Variants in NCKAP5 observed in about 807,000 individuals in gnomAD.
NCKAP5 encodes NCK associated protein 5, also known as nck-associated protein 5.
In NCKAP5, 92 loss-of-function variants were observed where a neutral mutation model predicts 167.0. That is an observed-to-expected ratio of 0.55 (90% CI 0.47 to 0.66). The LOEUF (loss-of-function observed/expected upper bound fraction) is 0.66. Among genes scored for constraint, NCKAP5 ranks in the 30% least tolerant of loss-of-function variants. The pLI is 0.00. For missense variants in NCKAP5, 2,378 were observed against 2,315.0 expected, an observed-to-expected ratio of 1.03 and a Z score of -0.56; for synonymous variants, 891 against 877.4, an observed-to-expected ratio of 1.02 and a Z score of -0.27.
At chr2:133,578,917 C>A in the NCKAP5 span, among the ~76,000 whole-genome samples, 1 of 152,124 alleles carries the variant, frequency 6.6e-6, no homozygotes, top group East Asian at 1.9e-4. Context: ...ATCTGGAGAG[C>A]CACACAATGA....
At chr2:133,044,190 AT>A (rs2079309850) in intron 6 of NCKAP5, among the ~76,000 whole-genome samples, 1 of 152,210 alleles carries the variant, frequency 6.6e-6, no homozygotes, top group African/African-American at 2.4e-5. Context: ...GGTTGTAAAT[AT>A]TCCTTAAGCA....
intron 11 of NCKAP5, among the ~76,000 whole-genome samples, chr2:132,807,488 A>T (rs923248786): frequency 6.6e-6 from 1 of 152,046 alleles, no homozygotes; most frequent in African/African-American, 2.4e-5. Context: ...TTGGTTAGGT[A>T]TATTCCTAAG....
At chr2:133,541,233 T>C (rs1017891298) in intron 2 of NCKAP5, among the ~76,000 whole-genome samples, 8 of 151,590 alleles carry the variant, frequency 5.3e-5, no homozygotes, top group African/African-American at 1.7e-4. Flanking sequence ...AATTTTTGTC[T>C]CATTGTCTTT....
chr2:132,986,198 A>G (rs4954013), intron 7 of NCKAP5, among the ~76,000 whole-genome samples: 87,320 of 152,046 alleles, frequency 0.57, 25,539 homozygotes, highest in African/African-American at 0.69. Context: ...TGTTGTGTGT[A>G]TAAAAATCAG....
intron 5 of NCKAP5, among the ~76,000 whole-genome samples, chr2:133,140,955 T>C (rs895920062): frequency 2.6e-5 from 4 of 152,032 alleles, no homozygotes; most frequent in Admixed American, 6.6e-5. Context: ...CAAAACCCCA[T>C]AGAATATTAG....
chr2:132,806,731 T>C (rs967092954), intron 11 of NCKAP5, among the ~76,000 whole-genome samples: 3 of 152,240 alleles, frequency 2.0e-5, no homozygotes, highest in African/African-American at 7.2e-5. Context: ...GTCTGTTTAC[T>C]GTGCTGACTG....
chr2:133,140,370 C>G (rs1258380353), intron 5 of NCKAP5, among the ~76,000 whole-genome samples: 1 of 152,152 alleles, frequency 6.6e-6, no homozygotes, highest in African/African-American at 2.4e-5. Context: ...CATTTTACCC[C>G]CAACTCTGTT....
At chr2:133,216,960 A>T (rs911908930) in intron 4 of NCKAP5, among the ~76,000 whole-genome samples, 1 of 152,126 alleles carries the variant, frequency 6.6e-6, no homozygotes, top group African/African-American at 2.4e-5. Flanking sequence ...TTTAAAAACC[A>T]ACTGGCTCAT....
At chr2:132,980,358 C>A (rs1229341989) in intron 7 of NCKAP5, among the ~76,000 whole-genome samples, 1 of 152,032 alleles carries the variant, frequency 6.6e-6, no homozygotes, top group Non-Finnish European at 1.5e-5. Flanking sequence ...ATCCTCATGC[C>A]CAGGCCACAC....
At chr2:132,809,186 T>C (rs1685666701) in intron 11 of NCKAP5, among the ~76,000 whole-genome samples, 1 of 152,176 alleles carries the variant, frequency 6.6e-6, no homozygotes, top group South Asian at 2.1e-4. Flanking sequence ...TTATGGCCTA[T>C]CATATGGTCT....
At chr2:133,322,506 T>G (rs971993481) in intron 3 of NCKAP5, among the ~76,000 whole-genome samples, 6 of 152,246 alleles carry the variant, frequency 3.9e-5, no homozygotes, top group African/African-American at 1.2e-4. Flanking sequence ...ACAGTGTGTC[T>G]GTCTCTGTAT....
chr2:133,018,351 T>TAA lies in NCKAP5; in HGVS notation c.342-24113_342-24112insTT, dbSNP rs2078416497. Reference sequence around the variant, plus strand: ...ATGACCCACCAGAATACTGACATACTGTCTACTAAGGAGTTACCCTCCCCA... The same window carrying TAA: ...ATGACCCACCAGAATACTGACATACTAAGTCTACTAAGGAGTTACCCTCCCCA... On this transcript the variant is annotated intron_variant, in intron 6 of 19. Coordinates refer to ENST00000409261, the MANE Select transcript of NCKAP5 (RefSeq NM_207363.3). 3.3e-5 allele frequency among the ~76,000 whole-genome samples: 5 copies of TAA among 152,350 alleles called. No individual in the cohort carries two copies. In the South Asian group the frequency reaches 1.0e-3, roughly 32 times the overall value.
rs911374942 is a variant in NCKAP5, at chr2:133,031,147, G to T, written c.342-36908C>A. On this transcript the variant is annotated intron_variant, in intron 6 of 19. Transcript: ENST00000409261. ...CCTTCATAAGTACCAAAAATCAGGG[G>T]AGTATTCACAGTACCTGATTGTAAC... Among the ~76,000 whole-genome samples the T allele has an allele frequency of 2.6e-5, 4 of 152,192 alleles. No homozygotes were observed. In the East Asian group the frequency reaches 7.7e-4, roughly 29 times the overall value.
chr2:132,759,738 T>G (rs1311640744), intron 16 of NCKAP5, among the ~76,000 whole-genome samples: 1 of 152,142 alleles, frequency 6.6e-6, no homozygotes. Context: ...ATTTATTATA[T>G]CTAAACAGCT....
chr2:133,663,532 T>C, the NCKAP5 span, among the ~76,000 whole-genome samples: 2 of 152,216 alleles, frequency 1.3e-5, no homozygotes, highest in African/African-American at 4.8e-5. Flanking sequence ...TGCTGCTACT[T>C]TATCAACTAA....
intron 6 of NCKAP5, among the ~76,000 whole-genome samples, chr2:133,014,355 C>T (rs937067795): frequency 6.6e-6 from 1 of 152,226 alleles, no homozygotes; most frequent in African/African-American, 2.4e-5. Flanking sequence ...ATGTGACTCC[C>T]ATCCACCACC....
At chr2:132,823,816 C>T (rs1373932028) in intron 11 of NCKAP5, among the ~76,000 whole-genome samples, 1 of 152,024 alleles carries the variant, frequency 6.6e-6, no homozygotes, top group Non-Finnish European at 1.5e-5. Context: ...AAGAGACTCA[C>T]CTAACACATA....
At chr2:132,894,441 CT>C (rs1055208050) in intron 8 of NCKAP5, among the ~76,000 whole-genome samples, 1 of 152,086 alleles carries the variant, frequency 6.6e-6, no homozygotes, top group Non-Finnish European at 1.5e-5. Flanking sequence ...CATGTAATGA[CT>C]TTTTTTTCTT....
chr2:132,920,771 G>A lies in NCKAP5; in HGVS notation c.580-41855C>T, dbSNP rs375677098. 5.5e-3 allele frequency among the ~76,000 whole-genome samples: 175 copies of A among 31,532 alleles called. 11 individuals are homozygous for A. The highest frequency in any genetic ancestry group is 0.012 in the African/African-American group (104 of 9,040). The allele number at this position is 31,532 out of a possible 152,430, so 20.7% of individuals were successfully genotyped here. A position where few individuals can be genotyped will look rare whatever the true frequency, so the allele number is the denominator to read the frequency against. ...TATATATATATGTATATATATGTAT[G>A]TATATATATATATATATATATATAT... On this transcript the variant is annotated intron_variant, in intron 8 of 19. Coordinates refer to ENST00000409261, the MANE Select transcript of NCKAP5 (RefSeq NM_207363.3).
Sources: allele counts gnomAD v4.1 joint callset (sites outside exome capture counted in the v4.1 genomes callset), GRCh38; gene constraint gnomAD v4.1.1; transcripts MANE v1.5; gene names NCBI Gene and HGNC (gene_info 2026-07-23, HGNC 2026-07-21).